The following SCN3A variants were observed in gnomAD, a reference collection of about 807,000 sequenced individuals.
SCN3A encodes sodium channel protein type 3 subunit alpha.
A neutral mutation model predicts 187.6 loss-of-function variants in SCN3A; 60 were observed. The ratio of observed to expected loss-of-function variants is 0.32; its 90% CI spans 0.26 to 0.40. The LOEUF (loss-of-function observed/expected upper bound fraction) is 0.40. Among genes scored for constraint, SCN3A ranks in the 10% least tolerant of loss-of-function variants. SCN3A has a pLI of 1.00. For missense variants in SCN3A, 1,601 were observed against 2,428.2 expected, an observed-to-expected ratio of 0.66 and a Z score of 7.16; for synonymous variants, 788 against 829.2, an observed-to-expected ratio of 0.95 and a Z score of 0.85.
At chr2:165,170,622 C>A (rs2105910982) in intron 3 of SCN3A, 74 bp from the exon 4 acceptor site, 3 of 903,850 alleles carry the variant, frequency 3.3e-6, no homozygotes, top group Non-Finnish European at 5.5e-6. Flanking sequence ...ACATGAAGAA[C>A]TTTTTAAAAA....
At chr2:165,147,502 T>C (rs1424825607) in intron 11 of SCN3A, among the ~76,000 whole-genome samples, 1 of 152,080 alleles carries the variant, frequency 6.6e-6, no homozygotes, top group African/African-American at 2.4e-5. Context: ...ACATAAAACA[T>C]TTCAAGTGTC....
At chr2:165,143,553 G>T (rs1309170499) in intron 12 of SCN3A, among the ~76,000 whole-genome samples, 1 of 152,146 alleles carries the variant, frequency 6.6e-6, no homozygotes, top group East Asian at 1.9e-4. Flanking sequence ...AACAGAAATA[G>T]CATTCAGAGA....
intron 18 of SCN3A, among the ~76,000 whole-genome samples, chr2:165,120,375 C>T (rs1410029553): frequency 1.3e-5 from 2 of 151,854 alleles, no homozygotes; most frequent in East Asian, 3.9e-4. Flanking sequence ...GAAATTCCCC[C>T]ATATGACAAA....
chr2:165,106,983 T>A (rs1309750592), intron 21 of SCN3A, among the ~76,000 whole-genome samples: 1 of 152,128 alleles, frequency 6.6e-6, no homozygotes, highest in Non-Finnish European at 1.5e-5. Flanking sequence ...ACTTGCTGAT[T>A]GATTGGTTGT....
At chr2:165,196,487 A>C (rs1400741527) in intron 1 of SCN3A, among the ~76,000 whole-genome samples, 1 of 152,084 alleles carries the variant, frequency 6.6e-6, no homozygotes, top group Admixed American at 6.6e-5. Flanking sequence ...CCTCTAGGGA[A>C]AAGACTTTAG....
rs1308555819 is a variant in SCN3A at position 165,089,112 on chromosome 2, C to T, written c.*1038G>A. On this transcript the variant is annotated 3_prime_UTR_variant, in exon 28 of 28. Coordinates refer to ENST00000283254, the MANE Select transcript of SCN3A (RefSeq NM_006922.4). ...TATGTTTAATGAATGATACAGGATA[C>T]ATCCCTGTTGGAAGCTTGCAAAAGA... The T allele has an allele frequency of 2.0e-5, 3 of 152,582 alleles. No homozygotes were observed. The highest frequency in any genetic ancestry group is 4.4e-5 in the Non-Finnish European group (3 of 68,012). The allele number at this position is 152,582 out of a possible 1,614,324, so 9.5% of individuals were successfully genotyped here. A position where few individuals can be genotyped will look rare whatever the true frequency, so the allele number is the denominator to read the frequency against.
At chr2:165,109,491 C>A (rs1686016065) in intron 21 of SCN3A, among the ~76,000 whole-genome samples, 1 of 152,166 alleles carries the variant, frequency 6.6e-6, no homozygotes, top group Non-Finnish European at 1.5e-5. Context: ...TTCTGATATT[C>A]CCCATCCCAG....
At chr2:165,142,906 C>G (rs1333112801) in intron 12 of SCN3A, among the ~76,000 whole-genome samples, 4 of 151,990 alleles carry the variant, frequency 2.6e-5, no homozygotes, top group African/African-American at 9.7e-5. Context: ...TGCCCGCCAC[C>G]ACACCTGGCT....
intron 2 of SCN3A, among the ~76,000 whole-genome samples, chr2:165,181,250 C>T (rs1247102997): frequency 1.3e-5 from 2 of 152,142 alleles, no homozygotes; most frequent in Non-Finnish European, 2.9e-5. Flanking sequence ...TTTTAATTGC[C>T]TTTCCAGGTA....
At chr2:165,095,441 T>C in intron 25 of SCN3A, 70 bp downstream of exon 25, 4 of 1,446,602 alleles carry the variant, frequency 2.8e-6, no homozygotes, top group Non-Finnish European at 3.9e-6. Flanking sequence ...CCACAGGTAT[T>C]CTGGTTATTT....
chr2:165,157,205 C>T (rs1689111727), intron 9 of SCN3A, among the ~76,000 whole-genome samples: 1 of 152,150 alleles, frequency 6.6e-6, no homozygotes, highest in Non-Finnish European at 1.5e-5. Context: ...CCACCGTGCC[C>T]AGCCCTCAGT....
At chr2:165,118,759 A>G (rs1453383659) in intron 18 of SCN3A, among the ~76,000 whole-genome samples, 2 of 151,664 alleles carry the variant, frequency 1.3e-5, no homozygotes, top group African/African-American at 2.4e-5. Flanking sequence ...GCTAACTTTT[A>G]TATTTATTTA....
At chr2:165,121,079 A>C (rs1226147559) in intron 18 of SCN3A, among the ~76,000 whole-genome samples, 2 of 149,466 alleles carry the variant, frequency 1.3e-5, no homozygotes, top group African/African-American at 4.9e-5. Context: ...TTTTTTTTTC[A>C]GCAGAAGTAC....
At chr2:165,191,444 G>T (rs1236534841) in intron 1 of SCN3A, among the ~76,000 whole-genome samples, 1 of 152,064 alleles carries the variant, frequency 6.6e-6, no homozygotes, top group Non-Finnish European at 1.5e-5. Context: ...TGACCTTTTG[G>T]TTATCTAGTG....
chr2:165,126,412 TTTC>T (rs1291073926), intron 18 of SCN3A, among the ~76,000 whole-genome samples: 3 of 151,458 alleles, frequency 2.0e-5, no homozygotes, highest in African/African-American at 4.9e-5. Flanking sequence ...CCTCCTTCCC[TTTC>T]TTCTTTCTTT....
At chr2:165,180,433 G>T (rs569526349) in intron 2 of SCN3A, among the ~76,000 whole-genome samples, 1 of 152,260 alleles carries the variant, frequency 6.6e-6, no homozygotes, top group East Asian at 1.9e-4. Flanking sequence ...GGAGAGAGAG[G>T]TATGGTTTGG....
intron 21 of SCN3A, among the ~76,000 whole-genome samples, chr2:165,107,857 C>A (rs1474177907): frequency 1.3e-5 from 2 of 152,080 alleles, no homozygotes; most frequent in Non-Finnish European, 2.9e-5. Context: ...TTAATAAATA[C>A]TTTGTAAGTA....
intron 21 of SCN3A, among the ~76,000 whole-genome samples, chr2:165,111,675 T>A (rs2105702981): frequency 6.6e-6 from 1 of 152,346 alleles, no homozygotes; most frequent in South Asian, 2.1e-4. Flanking sequence ...AAAAAATATT[T>A]AAACTGAGGC....
rs1460743619 is a variant in SCN3A, at chr2:165,176,241, T to C, written c.154A>G (p.Asn52Asp). ...DNDDENKPKPNSDLEAGKNLP... is the reference protein window; with the variant it reads ...DNDDENKPKPDSDLEAGKNLP... ...TTCTTTCCAGCTTCCAAGTCACTAT[T>C]TGGCTTTGGTTTGTTCTCATCATCA... Residue 52 changes from asparagine to aspartate, a missense_variant, in exon 3 of 28, where the codon AAT becomes GAT. Asn to Asp is a conservative substitution (Grantham distance 23, BLOSUM62 1). Coordinates refer to ENST00000283254, the MANE Select transcript of SCN3A (RefSeq NM_006922.4). 1 of 1,613,696 alleles carries C rather than the reference T, an allele frequency of 6.2e-7. No individual in the cohort carries two copies. The highest frequency in any genetic ancestry group is 1.1e-5 in the South Asian group (1 of 91,048).
Sources: gnomAD v4.1 joint callset for allele counts (sites outside exome capture counted in the v4.1 genomes callset) on GRCh38, gnomAD v4.1.1 for gene constraint, MANE v1.5 for transcripts, NCBI Gene and HGNC (gene_info 2026-07-23, HGNC 2026-07-21) for gene names.